Variants in FAM135B observed in about 807,000 individuals in gnomAD.
FAM135B encodes protein FAM135B.
In FAM135B, 43 loss-of-function variants were observed where a neutral mutation model predicts 127.7. The observed-to-expected ratio is 0.34, with a 90% CI of 0.26 to 0.43. The LOEUF (loss-of-function observed/expected upper bound fraction) is 0.43, where lower values mean the gene tolerates loss of function less well. Among genes scored for constraint, FAM135B ranks in the 20% least tolerant of loss-of-function variants. The pLI, the probability that FAM135B is intolerant of heterozygous loss-of-function variation, is 1.00. For synonymous variants in FAM135B, 670 were observed against 665.1 expected, an observed-to-expected ratio of 1.01 and a Z score of -0.11; for missense variants, 1,558 against 1,725.6, an observed-to-expected ratio of 0.90 and a Z score of 1.72.
chr8:138,325,445 G>C (rs73716802), intron 2 of FAM135B, among the ~76,000 whole-genome samples: 160 of 152,054 alleles, frequency 1.1e-3, no homozygotes, highest in African/African-American at 3.7e-3. Context: ...CACCACCACC[G>C]CTCCATTCTG....
At chr8:138,202,373 C>T (rs1197504176) in intron 7 of FAM135B, among the ~76,000 whole-genome samples, 1 of 152,100 alleles carries the variant, frequency 6.6e-6, no homozygotes, top group Non-Finnish European at 1.5e-5. Flanking sequence ...CTCCAGTCTC[C>T]TGAGTAGCTG....
At chr8:138,446,079 T>C (rs57202399) in intron 1 of FAM135B, among the ~76,000 whole-genome samples, 56,732 of 151,956 alleles carry the variant, frequency 0.37, 11,820 homozygotes, top group Non-Finnish European at 0.48. Flanking sequence ...ATAAAATACC[T>C]AGGAATCCAA....
intron 7 of FAM135B, among the ~76,000 whole-genome samples, chr8:138,227,572 T>G (rs187722928): frequency 3.3e-5 from 5 of 152,302 alleles, no homozygotes; most frequent in Non-Finnish European, 5.9e-5. Flanking sequence ...ATACAAAAAC[T>G]GCACAAGCTT....
intron 1 of FAM135B, among the ~76,000 whole-genome samples, chr8:138,476,741 A>AT (rs1197953149): frequency 6.6e-6 from 1 of 152,064 alleles, no homozygotes; most frequent in African/African-American, 2.4e-5. Flanking sequence ...AACAGTTAGC[A>AT]TTTTTTTCCC....
intron 1 of FAM135B, among the ~76,000 whole-genome samples, chr8:138,496,044 T>C (rs1440873705): frequency 5.3e-5 from 8 of 152,180 alleles, no homozygotes; most frequent in Admixed American, 2.6e-4. Context: ...TTTATTTCTA[T>C]TCCCATCCTA....
intron 2 of FAM135B, among the ~76,000 whole-genome samples, chr8:138,329,945 G>T (rs1405097892): frequency 2.6e-5 from 4 of 152,142 alleles, no homozygotes; most frequent in Non-Finnish European, 5.9e-5. Context: ...TTTAAGAAAA[G>T]AATGCAGAGA....
Position 138,132,658 on chromosome 8 carries a change from C to G in FAM135B, c.4156G>C (p.Val1386Leu), listed in dbSNP as rs764651487. 3.7e-6 allele frequency: 6 copies of G among 1,614,184 alleles called. No individual in the cohort carries two copies. In the East Asian group the frequency reaches 6.7e-5, roughly 18 times the overall value. Reference sequence around the variant, plus strand: ...TCCAGGAAGAGTTCTGAATCCAGCACAGCGATGTGAGCGGCTCGGCCGATC... The same window carrying G: ...TCCAGGAAGAGTTCTGAATCCAGCAGAGCGATGTGAGCGGCTCGGCCGATC... ...TLIGRAAHIAVLDSELFLEKF... is the reference protein window; with the variant it reads ...TLIGRAAHIALLDSELFLEKF... The change falls in exon 20 of 20, where the codon GTG becomes CTG. Residue 1386 changes from valine to leucine, a missense_variant. Physicochemically the swap from Val to Leu is conservative, Grantham distance 32 (BLOSUM62 1). This residue lies in a region of FAM135B where 194 missense variants were observed against 333.8 expected (regional missense o/e 0.58). Transcript: ENST00000395297. This position sits in a 1 kb window ranked among gnomAD's most constrained non-coding sequence, Gnocchi z 4.5.
rs1821004178 is a variant in FAM135B, at chr8:138,243,355, A to G, written c.543-287T>C. 6.6e-6 allele frequency among the ~76,000 whole-genome samples: 1 copy of G among 152,216 alleles called. No individual in the cohort carries two copies. Among genetic ancestry groups the G allele is most frequent in the African/African-American group, 2.4e-5 (1 of 41,454 alleles). On this transcript the variant is annotated intron_variant, in intron 6 of 19. Transcript: ENST00000395297. This position sits in a 1 kb window ranked among gnomAD's most constrained non-coding sequence, Gnocchi z 7.5. Reference sequence around the variant, plus strand: ...ACATACCTGTAAGAAACACTGAAGCAGAGCTCCAAGCTTATATCACTAGAG... The same window carrying G: ...ACATACCTGTAAGAAACACTGAAGCGGAGCTCCAAGCTTATATCACTAGAG...
intron 3 of FAM135B, among the ~76,000 whole-genome samples, chr8:138,295,277 G>A (rs762370595): frequency 1.6e-4 from 25 of 151,726 alleles, no homozygotes; most frequent in South Asian, 4.2e-4. Flanking sequence ...AAAGGCACTG[G>A]TCTGGGAACC....
intron 16 of FAM135B, among the ~76,000 whole-genome samples, chr8:138,142,667 T>G (rs1230095116): frequency 6.6e-6 from 1 of 152,112 alleles, no homozygotes; most frequent in Admixed American, 6.6e-5. Flanking sequence ...GTTTAGAGGT[T>G]TAGAAACCTT....
intron 7 of FAM135B, among the ~76,000 whole-genome samples, chr8:138,202,763 C>T (rs1257065995): frequency 7.1e-6 from 1 of 141,202 alleles, no homozygotes; most frequent in Non-Finnish European, 1.5e-5. Flanking sequence ...GGAACTTTTG[C>T]TTACACGCTC....
rs538058096 is a variant in FAM135B at position 138,193,333 on chromosome 8, G to A, written c.873+1925C>T. On this transcript the variant is annotated intron_variant, in intron 9 of 19. Coordinates refer to ENST00000395297, the MANE Select transcript of FAM135B (RefSeq NM_015912.4). ...ATCCCTGCTGATTAAATATAAGTCG[G>A]TGATGCTGGTGCTATGGTGATCCCG... is the stretch of plus-strand genomic sequence containing the variant. Among the ~76,000 whole-genome samples, 37 of 152,342 alleles carry A rather than the reference G, an allele frequency of 2.4e-4. No homozygotes were observed. The South Asian group carries it at 5.6e-3, about 23-fold the overall frequency.
chr8:138,279,748 C>A (rs1016765402), intron 3 of FAM135B, among the ~76,000 whole-genome samples: 11 of 152,208 alleles, frequency 7.2e-5, no homozygotes, highest in African/African-American at 2.7e-4. Flanking sequence ...TTTTACCCAT[C>A]TTAGAGTCAC....
In FAM135B at chr8:138,380,937, C is replaced by T. The variant is rs143079934; in HGVS notation, c.-19-12935G>A. 4.0e-3 allele frequency among the ~76,000 whole-genome samples: 605 copies of T among 151,906 alleles called. 1 individual carries two copies. The highest frequency in any genetic ancestry group is 6.4e-3 in the Non-Finnish European group (433 of 67,966). On this transcript the variant is annotated intron_variant, in intron 1 of 19. Transcript: ENST00000395297. ...AAGCTCAGAGATCACAGAGCTCAGG[C>T]CCTCATATTAGAGCAACAAAACACA...
At chr8:138,264,509 T>A (rs186467862) in intron 4 of FAM135B, among the ~76,000 whole-genome samples, 4 of 152,328 alleles carry the variant, frequency 2.6e-5, no homozygotes, top group Non-Finnish European at 5.9e-5. Flanking sequence ...GAGCTGAGTA[T>A]GTAGCAGTGA....
At chr8:138,383,694 C>T (rs565375573) in intron 1 of FAM135B, among the ~76,000 whole-genome samples, 1 of 152,254 alleles carries the variant, frequency 6.6e-6, no homozygotes, top group African/African-American at 2.4e-5. Flanking sequence ...TAAGGAAGGC[C>T]ATCTCTGTGA....
At chr8:138,473,830 C>T (rs1054035084) in intron 1 of FAM135B, among the ~76,000 whole-genome samples, 42 of 148,324 alleles carry the variant, frequency 2.8e-4, no homozygotes, top group African/African-American at 1.0e-3. Context: ...ATATGAGAGA[C>T]AGAGAGAGAG....
At chr8:138,266,466 A>G (rs1822929948) in intron 3 of FAM135B, among the ~76,000 whole-genome samples, 1 of 152,078 alleles carries the variant, frequency 6.6e-6, no homozygotes. Context: ...ATATTTCAAC[A>G]AGACAAATCT....
intron 2 of FAM135B, among the ~76,000 whole-genome samples, chr8:138,365,037 G>T (rs1830656296): frequency 6.6e-6 from 1 of 152,024 alleles, no homozygotes; most frequent in South Asian, 2.1e-4. Context: ...GGTAGAGATG[G>T]ACTTTCACCA....
Sources: gnomAD v4.1 joint callset for allele counts (sites outside exome capture counted in the v4.1 genomes callset) on GRCh38, gnomAD v4.1.1 for gene constraint, gnomAD v4.1.1 regional missense constraint, Gnocchi (gnomAD v3.1) non-coding constraint, MANE v1.5 for transcripts, NCBI Gene and HGNC (gene_info 2026-07-23, HGNC 2026-07-21) for gene names.